Variants in POLDIP3 observed in about 807,000 individuals in gnomAD.
The protein encoded by POLDIP3 is DNA polymerase delta interacting protein 3.
In POLDIP3, 14 loss-of-function variants were observed where a neutral mutation model predicts 45.1. That is an observed-to-expected ratio of 0.31 (90% CI 0.20 to 0.49). POLDIP3 has a LOEUF of 0.49. Ranked by LOEUF, POLDIP3 falls within the 20% of genes least tolerant of loss-of-function variation. The pLI, the probability that POLDIP3 is intolerant of heterozygous loss-of-function variation, is 0.99. For synonymous variants in POLDIP3, 223 were observed against 205.2 expected (o/e 1.09, Z -0.74); for missense variants, 511 against 538.8 (o/e 0.95, Z 0.51).
intron 1 of POLDIP3, among the ~76,000 whole-genome samples, chr22:42,607,610 T>C (rs1601906619): frequency 6.9e-6 from 1 of 144,886 alleles, no homozygotes; most frequent in African/African-American, 2.6e-5. Context: ...GGCCGTCCAG[T>C]CTGGGAAGTG....
intron 6 of POLDIP3, among the ~76,000 whole-genome samples, chr22:42,592,586 G>A (rs1925737645): frequency 6.6e-6 from 1 of 152,124 alleles, no homozygotes; most frequent in African/African-American, 2.4e-5. Flanking sequence ...AGGGACAGTT[G>A]GTCACTCTAA....
At chr22:42,603,224 G>GGA in intron 1 of POLDIP3, 64 bp from the exon 2 acceptor site, 1 of 1,546,080 alleles carries the variant, frequency 6.5e-7, no homozygotes, top group Non-Finnish European at 8.8e-7. Flanking sequence ...CTATGAAAGC[G>GGA]GAACTGTGGT....
At chr22:42,590,847 A>C (rs189370603) in intron 7 of POLDIP3, among the ~76,000 whole-genome samples, 46 of 152,290 alleles carry the variant, frequency 3.0e-4, no homozygotes, top group African/African-American at 1.1e-3. Context: ...CGAGGTGGGC[A>C]GATCACCTGA....
chr22:42,601,385 A>C (rs1006517859), intron 3 of POLDIP3, among the ~76,000 whole-genome samples: 5 of 151,820 alleles, frequency 3.3e-5, no homozygotes, highest in Non-Finnish European at 7.4e-5. Flanking sequence ...AAGACAAAAA[A>C]AAAAAAAGCG....
chr22:42,608,262 C>CA (rs1242895432), intron 1 of POLDIP3, among the ~76,000 whole-genome samples: 5 of 131,162 alleles, frequency 3.8e-5, no homozygotes, highest in Non-Finnish European at 3.2e-5. Context: ...TACCCCCCCC[C>CA]CCAAAAAAAA....
rs182783110 is a variant in POLDIP3, at chr22:42,610,535, C to T, written c.59+4264G>A. 4.1e-4 allele frequency among the ~76,000 whole-genome samples: 62 copies of T among 152,302 alleles called. 2 individuals carry two copies. The highest frequency in any genetic ancestry group is 3.3e-3 in the Admixed American group (51 of 15,294). On this transcript the variant is annotated intron_variant, in intron 1 of 8. Transcript: ENST00000252115. Reference sequence around the variant, plus strand: ...TGGAGGCAGCTGACAGAAAGCTATCCGCTGAGGGTTAAACTCATCGAACTA... The same window carrying T: ...TGGAGGCAGCTGACAGAAAGCTATCTGCTGAGGGTTAAACTCATCGAACTA...
At chr22:42,595,011 C>T (rs1569298016) in intron 6 of POLDIP3, among the ~76,000 whole-genome samples, 2 of 151,538 alleles carry the variant, frequency 1.3e-5, no homozygotes, top group African/African-American at 4.9e-5. Context: ...GCTGGGCTGA[C>T]TGCTATTGTT....
At position 42,602,923 on chromosome 22, in the gene POLDIP3, G is replaced by C. The variant is rs1427945460; in HGVS notation, c.297C>G (p.Asn99Lys). The C allele has an allele frequency of 6.2e-7, 1 of 1,614,004 alleles. No homozygotes were observed. Among genetic ancestry groups the C allele is most frequent in the African/African-American group, 1.3e-5 (1 of 74,902 alleles). Reference protein sequence around the residue: ...GKVQDAREMLNSRKQQTTVPQ... With the variant: ...GKVQDAREMLKSRKQQTTVPQ... Reference sequence around the variant, plus strand: ...GCACCGTGGTCTGCTGCTTGCGAGAGTTCAACATCTCTCTGGCATCCTGCA... The same window carrying C: ...GCACCGTGGTCTGCTGCTTGCGAGACTTCAACATCTCTCTGGCATCCTGCA... Residue 99 changes from asparagine to lysine, a missense_variant, in exon 2 of 9, where the codon AAC becomes AAG. Around this residue, in one of 4 missense-constraint regions of POLDIP3, gnomAD observed 378 missense variants for 352.3 expected, o/e 1.07. Transcript: ENST00000252115.
At chr22:42,587,702 G>T (rs1925400528) in intron 7 of POLDIP3, 130 bp from the exon 8 acceptor site, 3 of 844,658 alleles carry the variant, frequency 3.6e-6, no homozygotes, top group Non-Finnish European at 5.8e-6. Context: ...CACAGATGGA[G>T]ATGGGGCTGC....
chr22:42,596,657 C>A (rs1264734911), intron 4 of POLDIP3, among the ~76,000 whole-genome samples: 1 of 152,180 alleles, frequency 6.6e-6, no homozygotes, highest in Admixed American at 6.5e-5. Flanking sequence ...GAAAATTACC[C>A]AGGAGCCACA....
At position 42,599,743 on chromosome 22, in the gene POLDIP3, A is replaced by T; in HGVS notation, c.588T>A (p.Thr196=). ...EDDDGIASVP[T]KQMKFAASGG... is the part of the protein sequence containing the mutation. ...CTGAGGCTGCAAACTTCATCTGTTT[A>T]GTAGGAACGGAAGCTATACCATCAT... is the stretch of plus-strand genomic sequence containing the variant. Residue 196 remains threonine, a synonymous_variant, in exon 4 of 9, where the codon ACT becomes ACA. Coordinates refer to ENST00000252115, the MANE Select transcript of POLDIP3 (RefSeq NM_032311.5). 1 of 1,612,680 alleles carries T rather than the reference A, an allele frequency of 6.2e-7. No homozygotes were observed. Among genetic ancestry groups the T allele is most frequent in the South Asian group, 1.1e-5 (1 of 91,028 alleles).
intron 1 of POLDIP3, among the ~76,000 whole-genome samples, chr22:42,607,142 C>T (rs1201899120): frequency 2.6e-5 from 4 of 152,314 alleles, no homozygotes; most frequent in African/African-American, 9.6e-5. Context: ...CCCCTCTCCC[C>T]AGTTTCCCTC....
At chr22:42,595,439 T>A in intron 6 of POLDIP3, 98 bp downstream of exon 6, 1 of 1,043,470 alleles carries the variant, frequency 9.6e-7, no homozygotes, top group African/African-American at 1.6e-5. Flanking sequence ...CTGAGTCTGG[T>A]GAGTCCTAGC....
rs1569292976 is a variant in POLDIP3 at position 42,585,056 on chromosome 22, G to A, written c.*735C>T. 2.2e-6 allele frequency: 1 copy of A among 454,202 alleles called. No homozygotes were observed. The highest frequency in any genetic ancestry group is 7.0e-5 in the East Asian group (1 of 14,380). 28.1% of individuals were successfully genotyped at this position (454,202 alleles called of 1,614,324 possible). On this transcript the variant is annotated 3_prime_UTR_variant, in exon 9 of 9. Coordinates refer to ENST00000252115, the MANE Select transcript of POLDIP3 (RefSeq NM_032311.5). ...CCTCCCAGCAAAGACACCCAGAAGG[G>A]AAAGAGAGCTGGGGTGGGGCATTCA...
intron 1 of POLDIP3, among the ~76,000 whole-genome samples, chr22:42,604,475 T>A (rs1232965654): frequency 6.6e-6 from 1 of 152,140 alleles, no homozygotes; most frequent in Non-Finnish European, 1.5e-5. Flanking sequence ...ACTCCATGGG[T>A]GATTCTGGAG....
chr22:42,595,149 G>A (rs1342397126), intron 6 of POLDIP3, among the ~76,000 whole-genome samples: 1 of 152,252 alleles, frequency 6.6e-6, no homozygotes, highest in Non-Finnish European at 1.5e-5. Flanking sequence ...CTCAACAGCT[G>A]CTTTCCCTCT....
chr22:42,599,856 G>T lies in POLDIP3; in HGVS notation c.538-63C>A. 4.1e-6 allele frequency: 5 copies of T among 1,214,220 alleles called. No homozygotes were observed. The South Asian group carries it at 6.3e-5, about 15-fold the overall frequency. The allele number at this position is 1,214,220 out of a possible 1,614,324, so 75.2% of individuals were successfully genotyped here. A position where few individuals can be genotyped will look rare whatever the true frequency, so the allele number is the denominator to read the frequency against. On this transcript the variant is annotated intron_variant, in intron 3 of 8. Coordinates refer to ENST00000252115, the MANE Select transcript of POLDIP3 (RefSeq NM_032311.5). ...CATCTGGGCCCTCAACAGACATCTA[G>T]AACAGGCATGGCAAGGAAATGGCTG...
intron 6 of POLDIP3, among the ~76,000 whole-genome samples, chr22:42,592,369 G>A (rs560524112): frequency 2.6e-5 from 4 of 152,304 alleles, no homozygotes; most frequent in African/African-American, 9.6e-5. Context: ...ACCTCAACAG[G>A]GATAAAACAG....
At position 42,607,988 on chromosome 22, in the gene POLDIP3, C is replaced by T. The variant is rs9620071; in HGVS notation, c.60-4828G>A. 1.6e-3 allele frequency among the ~76,000 whole-genome samples: 247 copies of T among 151,478 alleles called. 2 individuals are homozygous for T. The highest frequency in any genetic ancestry group is 5.8e-3 in the African/African-American group (238 of 41,220). ...GCCCTGTTCGGGAGGTGGGGGGCGC[C>T]TCCACCCAGCCACCACCCCGTCTGG... On this transcript the variant is annotated intron_variant, in intron 1 of 8. Coordinates refer to ENST00000252115, the MANE Select transcript of POLDIP3 (RefSeq NM_032311.5).
Sources: allele counts gnomAD v4.1 joint callset (sites outside exome capture counted in the v4.1 genomes callset), GRCh38; gene constraint gnomAD v4.1.1; regional missense constraint gnomAD v4.1.1; transcripts MANE v1.5; gene names NCBI Gene and HGNC (gene_info 2026-07-23, HGNC 2026-07-21).